Variants in HNF4G observed in about 807,000 individuals in gnomAD.
HNF4G encodes the protein hepatocyte nuclear factor 4-gamma.
A neutral mutation model predicts 50.9 loss-of-function variants in HNF4G; 21 were observed. That is an observed-to-expected ratio of 0.41 (90% CI 0.29 to 0.59). HNF4G has a LOEUF of 0.59. Ranked by LOEUF, HNF4G falls within the 20% of genes least tolerant of loss-of-function variation. The pLI is 0.26. For missense variants in HNF4G, 527 were observed against 559.4 expected, an observed-to-expected ratio of 0.94 and a Z score of 0.58; for synonymous variants, 198 against 185.6, an observed-to-expected ratio of 1.07 and a Z score of -0.54.
At chr8:75,471,735 T>A (rs992313145) in intron 1 of HNF4G, among the ~76,000 whole-genome samples, 3 of 152,218 alleles carry the variant, frequency 2.0e-5, no homozygotes, top group African/African-American at 4.8e-5. Flanking sequence ...ATTGGAGGGA[T>A]CATTTTCAGT....
chr8:75,514,090 G>T (rs1321920683), intron 2 of HNF4G, among the ~76,000 whole-genome samples: 1 of 151,602 alleles, frequency 6.6e-6, no homozygotes, highest in African/African-American at 2.4e-5. Context: ...TTCTAATTTT[G>T]CCCATTCTTC....
intron 2 of HNF4G, among the ~76,000 whole-genome samples, chr8:75,494,917 T>C (rs1812729402): frequency 1.3e-5 from 2 of 152,182 alleles, no homozygotes; most frequent in South Asian, 4.1e-4. Context: ...ACCTGCTATC[T>C]ATAAGCAAGG....
At chr8:75,497,130 G>A (rs1382738360) in intron 2 of HNF4G, among the ~76,000 whole-genome samples, 3 of 152,074 alleles carry the variant, frequency 2.0e-5, no homozygotes, top group Non-Finnish European at 4.4e-5. Flanking sequence ...ACCAAACAGG[G>A]TTGTGTATTA....
rs527268533 is a variant in HNF4G, at chr8:75,505,206, AAACTC to A, written c.-24+15004_-24+15008del. 3.9e-5 allele frequency among the ~76,000 whole-genome samples: 6 copies of A among 152,164 alleles called. No individual in the cohort carries two copies. The South Asian group carries it at 1.2e-3, about 32-fold the overall frequency. ...TAAATGTTGGTAGTTACTGATTTCT[AAACTC>A]AACTCTTCTGCTAACTTGTTGGTGG... On this transcript the variant is annotated intron_variant, in intron 2 of 10. Coordinates refer to the HNF4G transcript ENST00000354370.
chr8:75,515,327 A>G (rs1805861305), intron 2 of HNF4G, among the ~76,000 whole-genome samples: 1 of 152,142 alleles, frequency 6.6e-6, no homozygotes, highest in Admixed American at 6.5e-5. Flanking sequence ...TTGATTTGAG[A>G]GTTTTCTTCT....
chr8:75,465,962 T>C (rs1234765079), intron 1 of HNF4G, among the ~76,000 whole-genome samples: 16 of 152,180 alleles, frequency 1.1e-4, no homozygotes, highest in Non-Finnish European at 2.4e-4. Flanking sequence ...TGTGTGTGTG[T>C]TTGTGTGCAT....
At chr8:75,553,227 A>T (rs752351365) in intron 5 of HNF4G, 30 bp downstream of exon 5, 1 of 1,572,410 alleles carries the variant, frequency 6.4e-7, no homozygotes, top group Admixed American at 1.7e-5. Flanking sequence ...TAAATGCTTT[A>T]AAAATGCTTC....
chr8:75,554,096 A>T (rs528951777), intron 5 of HNF4G, among the ~76,000 whole-genome samples: 1 of 152,174 alleles, frequency 6.6e-6, no homozygotes, highest in East Asian at 1.9e-4. Flanking sequence ...AGGAAAAAAA[A>T]ATACAGTGAA....
chr8:75,414,151 C>T (rs903751610), intron 1 of HNF4G, among the ~76,000 whole-genome samples: 1 of 152,030 alleles, frequency 6.6e-6, no homozygotes, highest in African/African-American at 2.4e-5. Flanking sequence ...CCTCAAACTC[C>T]CTGTGCCTTT....
At chr8:75,427,576 C>CA (rs1036027327) in intron 1 of HNF4G, among the ~76,000 whole-genome samples, 59 of 143,352 alleles carry the variant, frequency 4.1e-4, no homozygotes, top group African/African-American at 8.5e-4. Flanking sequence ...GACCCTGTCT[C>CA]AAAAAAAAAT....
chr8:75,439,395 A>G (rs902544497), intron 1 of HNF4G, among the ~76,000 whole-genome samples: 1 of 152,008 alleles, frequency 6.6e-6, no homozygotes, highest in Non-Finnish European at 1.5e-5. Context: ...TATCAGATTC[A>G]TAGGATTCAA....
chr8:75,551,168 C>A (rs1429496936), intron 3 of HNF4G, among the ~76,000 whole-genome samples: 1 of 152,090 alleles, frequency 6.6e-6, no homozygotes, highest in African/African-American at 2.4e-5. Flanking sequence ...AACATGCATG[C>A]TGTCATGAAG....
At chr8:75,457,368 T>C (rs1210793595) in intron 1 of HNF4G, among the ~76,000 whole-genome samples, 1 of 152,216 alleles carries the variant, frequency 6.6e-6, no homozygotes, top group Non-Finnish European at 1.5e-5. Flanking sequence ...GGTGGCTTTA[T>C]ATGATCCTTA....
chr8:75,449,210 C>G (rs556720412), intron 1 of HNF4G, among the ~76,000 whole-genome samples: 8 of 152,080 alleles, frequency 5.3e-5, no homozygotes, highest in Non-Finnish European at 1.0e-4. Context: ...CCTAGGGCAG[C>G]CATTGGCAAT....
intron 1 of HNF4G, among the ~76,000 whole-genome samples, chr8:75,461,729 T>TTA (rs60808604): frequency 0.81 from 122,171 of 151,556 alleles, 50,054 homozygotes; most frequent in African/African-American, 0.95. Context: ...TCTGTATATA[T>TTA]TGTTTTTTTC....
chr8:75,418,725 T>C (rs1022873891), intron 1 of HNF4G, among the ~76,000 whole-genome samples: 3 of 142,232 alleles, frequency 2.1e-5, no homozygotes, highest in Admixed American at 7.4e-5. Context: ...TCTCTCTCTT[T>C]TTTTTTTTTT....
At chr8:75,464,624 T>A (rs1811925970) in intron 1 of HNF4G, among the ~76,000 whole-genome samples, 1 of 152,194 alleles carries the variant, frequency 6.6e-6, no homozygotes, top group Non-Finnish European at 1.5e-5. Context: ...TTATTTTATT[T>A]GACTCAATAT....
intron 1 of HNF4G, among the ~76,000 whole-genome samples, chr8:75,473,275 C>A (rs74994001): frequency 2.0e-5 from 3 of 149,930 alleles, no homozygotes; most frequent in African/African-American, 7.4e-5. Flanking sequence ...CCAGCCTGGG[C>A]GACAGAGCAA....
chr8:75,481,586 G>A (rs1812379731), intron 1 of HNF4G, among the ~76,000 whole-genome samples: 1 of 152,134 alleles, frequency 6.6e-6, no homozygotes, highest in African/African-American at 2.4e-5. Flanking sequence ...GGGCAAATCT[G>A]ATAAGCACGA....
Sources: gnomAD v4.1 joint callset for allele counts (sites outside exome capture counted in the v4.1 genomes callset) on GRCh38, gnomAD v4.1.1 for gene constraint, MANE v1.5 for transcripts, NCBI Gene and HGNC (gene_info 2026-07-23, HGNC 2026-07-21) for gene names.